The following ZAP70 variants were observed in gnomAD, a reference collection of about 807,000 sequenced individuals.
ZAP70 encodes tyrosine-protein kinase ZAP-70.
Under a neutral mutation model 65.8 loss-of-function variants are expected in ZAP70, and 27 were observed. The ratio of observed to expected loss-of-function variants is 0.41; its 90% confidence interval spans 0.30 to 0.57. ZAP70 has a LOEUF of 0.57. Ranked by LOEUF, ZAP70 falls within the 20% of genes least tolerant of loss-of-function variation. The pLI is 0.28. For synonymous variants in ZAP70, 363 were observed against 360.8 expected, an observed-to-expected ratio of 1.01 and a Z score of -0.07; for missense variants, 696 against 870.5, an observed-to-expected ratio of 0.80 and a Z score of 2.52.
At chr2:97,733,830 C>G (rs1677726792) in intron 8 of ZAP70, 2 of 603,984 alleles carry the variant, frequency 3.3e-6, no homozygotes, top group Non-Finnish European at 5.9e-6. Context: ...CTGAGGCTCC[C>G]CAGACACACG....
intron 2 of ZAP70, among the ~76,000 whole-genome samples, chr2:97,720,290 C>T (rs983983927): frequency 4.0e-5 from 6 of 151,898 alleles, no homozygotes; most frequent in South Asian, 4.2e-4. Flanking sequence ...TGAAGTGGTG[C>T]GATCTCGGCT....
chr2:97,733,238 T>C (rs1368897653), intron 6 of ZAP70, 26 bp downstream of exon 6: 1 of 1,610,120 alleles, frequency 6.2e-7, no homozygotes, highest in African/African-American at 1.3e-5. Context: ...GGGCGGGCGG[T>C]GGGCGGGGGC....
intron 9 of ZAP70, 155 bp downstream of exon 9, chr2:97,734,867 TGA>T: frequency 9.5e-7 from 1 of 1,051,354 alleles, no homozygotes; most frequent in Non-Finnish European, 1.4e-6. Context: ...GAGGATTCCC[TGA>T]GAGAGCTCGG....
chr2:97,719,228 T>A (rs1677065034), intron 2 of ZAP70, among the ~76,000 whole-genome samples: 1 of 150,912 alleles, frequency 6.6e-6, no homozygotes, highest in Non-Finnish European at 1.5e-5. Flanking sequence ...TTGGTGGAGA[T>A]CAAAGGAGAT....
intron 9 of ZAP70, 43 bp from the exon 10 acceptor site, chr2:97,735,207 C>T (rs1677815756): frequency 6.2e-7 from 1 of 1,609,440 alleles, no homozygotes; most frequent in Non-Finnish European, 8.5e-7. Context: ...CGAGCAGGGC[C>T]GGTGCCCCTC....
chr2:97,719,559 G>GGT (rs1553572120), intron 2 of ZAP70, among the ~76,000 whole-genome samples: 3 of 151,030 alleles, frequency 2.0e-5, no homozygotes, highest in African/African-American at 7.3e-5. Context: ...AGCCTGGGGG[G>GGT]GGGGCGCAGA....
At position 97,734,471 on chromosome 2, in the gene ZAP70, C is replaced by T. The variant is rs1677755401; in HGVS notation, c.890-49C>T. Reference sequence around the variant, plus strand: ...TTGTGGGGGCTGAGGCTGCCTTGCTCCCCACACCCCTGCCCCTGACCTGGG... The same window carrying T: ...TTGTGGGGGCTGAGGCTGCCTTGCTTCCCACACCCCTGCCCCTGACCTGGG... On this transcript the variant is annotated intron_variant, in intron 8 of 13. Transcript: ENST00000264972. 7.6e-6 allele frequency: 12 copies of T among 1,570,538 alleles called. No individual in the cohort carries two copies. In the East Asian group the frequency reaches 2.1e-4, roughly 27 times the overall value.
intron 2 of ZAP70, among the ~76,000 whole-genome samples, chr2:97,720,828 C>T (rs1238487972): frequency 2.0e-5 from 3 of 152,174 alleles, no homozygotes; most frequent in Non-Finnish European, 4.4e-5. Flanking sequence ...AATCGGGTTA[C>T]AGTGCAGATC....
At chr2:97,753,622 T>G in the ZAP70 span, among the ~76,000 whole-genome samples, 1 of 152,172 alleles carries the variant, frequency 6.6e-6, no homozygotes, top group Non-Finnish European at 1.5e-5. Context: ...TGATACACAG[T>G]TTAGGTAAAA....
Position 97,732,706 on chromosome 2 carries a change from G to C in ZAP70, c.564-177G>C, listed in dbSNP as rs1435395723. 1.8e-5 allele frequency: 15 copies of C among 856,960 alleles called. No individual in the cohort carries two copies. In the African/African-American group the frequency reaches 2.5e-4, roughly 14 times the overall value. 53.1% of individuals were successfully genotyped at this position (856,960 alleles called of 1,614,324 possible). A position where few individuals can be genotyped will look rare whatever the true frequency, so the allele number is the denominator to read the frequency against. ...CCCCTCCACCGCCCTCTGCCACTTG[G>C]CCCATCATCAGCAGATCTGGAGGTG... On this transcript the variant is annotated intron_variant, in intron 4 of 13. Transcript: ENST00000264972.
At chr2:97,727,707 T>C (rs1271812785) in intron 4 of ZAP70, among the ~76,000 whole-genome samples, 2 of 152,212 alleles carry the variant, frequency 1.3e-5, no homozygotes, top group African/African-American at 4.8e-5. Flanking sequence ...TCTTCTTTGA[T>C]TTTATAATCT....
intron 4 of ZAP70, among the ~76,000 whole-genome samples, chr2:97,730,744 A>C (rs1445709490): frequency 6.6e-6 from 1 of 152,138 alleles, no homozygotes; most frequent in South Asian, 2.1e-4. Flanking sequence ...GGAGGAAATT[A>C]TTAGTTCTAG....
chr2:97,732,073 T>A (rs978195010), intron 4 of ZAP70, among the ~76,000 whole-genome samples: 1 of 151,848 alleles, frequency 6.6e-6, no homozygotes, highest in African/African-American at 2.4e-5. Context: ...TGAGGGGGGA[T>A]GTGTGTACTC....
chr2:97,724,490 G>A, intron 3 of ZAP70, 52 bp downstream of exon 3: 4 of 1,505,534 alleles, frequency 2.7e-6, no homozygotes, highest in Non-Finnish European at 3.5e-6. Flanking sequence ...CCGAAGAGGG[G>A]CAGTCGAGGG....
At chr2:97,719,297 T>G (rs1396766244) in intron 2 of ZAP70, among the ~76,000 whole-genome samples, 1 of 131,814 alleles carries the variant, frequency 7.6e-6, no homozygotes. Context: ...GAGAGGTGGG[T>G]GTGGCAGCAT....
chr2:97,721,634 G>GTGTTA (rs1242237716), intron 2 of ZAP70, among the ~76,000 whole-genome samples: 1 of 121,554 alleles, frequency 8.2e-6, no homozygotes, highest in African/African-American at 3.2e-5. Flanking sequence ...GGGTTTCACT[G>GTGTTA]TGTTAGCCAG....
chr2:97,724,905 T>A, intron 3 of ZAP70, 187 bp from the exon 4 acceptor site: 11 of 1,533,342 alleles, frequency 7.2e-6, no homozygotes, highest in Non-Finnish European at 9.6e-6. Flanking sequence ...TGGGGGTGGT[T>A]CCTCCCTAGC....
At position 97,724,257 on chromosome 2, in the gene ZAP70, G is replaced by A; in HGVS notation, c.221G>A (p.Gly74Asp). The A allele has an allele frequency of 1.2e-6, 2 of 1,604,588 alleles. No homozygotes were observed. The highest frequency in any genetic ancestry group is 1.7e-6 in the Non-Finnish European group (2 of 1,177,872). The stretch of plus-strand genomic sequence containing the variant: ...AACGGCACCTACGCCATTGCCGGCG[G>A]CAAAGCGCACTGTGGACCGGCAGAG... The part of the protein sequence containing the change: ...QLNGTYAIAG[G>D]KAHCGPAELC... The change falls in exon 3 of 14, where the codon GGC (glycine) becomes GAC (aspartate). Residue 74 changes from glycine (G) to aspartate (D), a missense_variant. Physicochemically the swap from Gly to Asp is moderately conservative, Grantham distance 94. Coordinates refer to ENST00000264972, the MANE Select transcript of ZAP70 (RefSeq NM_001079.4).
chr2:97,727,511 T>C (rs2104671790), intron 4 of ZAP70, among the ~76,000 whole-genome samples: 1 of 152,260 alleles, frequency 6.6e-6, no homozygotes, highest in African/African-American at 2.4e-5. Context: ...ATGTTAGTAA[T>C]GTTTGCTCCC....
Sources: gnomAD v4.1 joint callset for allele counts (sites outside exome capture counted in the v4.1 genomes callset) on GRCh38, gnomAD v4.1.1 for gene constraint, MANE v1.5 for transcripts, NCBI Gene and HGNC (gene_info 2026-07-23, HGNC 2026-07-21) for gene names.